SVEP1: variants seen among roughly 807,000 people sequenced by gnomAD.
The protein encoded by SVEP1 is sushi, von Willebrand factor type A, EGF and pentraxin domain-containing protein 1.
Under a neutral mutation model 367.3 loss-of-function variants are expected in SVEP1, and 164 were observed. That is an observed-to-expected ratio of 0.45 (90% CI 0.39 to 0.51). SVEP1 has a LOEUF of 0.51. SVEP1 is among the 20% of genes least tolerant of loss of function. The pLI is 0.00. For synonymous variants in SVEP1, 1,666 were observed against 1,611.6 expected, an observed-to-expected ratio of 1.03 and a Z score of -0.81; for missense variants, 4,117 against 4,425.3, an observed-to-expected ratio of 0.93 and a Z score of 1.98.
chr9:110,524,520 A>G (rs1248651904), intron 3 of SVEP1, among the ~76,000 whole-genome samples: 1 of 152,124 alleles, frequency 6.6e-6, no homozygotes, highest in East Asian at 1.9e-4. Context: ...AAATCAATCA[A>G]TGTAATCATG....
intron 36 of SVEP1, among the ~76,000 whole-genome samples, chr9:110,417,148 G>A (rs1438045727): frequency 6.6e-6 from 1 of 151,764 alleles, no homozygotes; most frequent in Admixed American, 6.6e-5. Context: ...CCGGTCTACA[G>A]CTCCCAGCGT....
chr9:110,471,580 C>T lies in SVEP1; in HGVS notation c.2782G>A (p.Asp928Asn), dbSNP rs61746193. Residue 928 changes from aspartate (D) to asparagine (N), a missense_variant, in exon 16 of 48, where the codon GAT becomes AAT. Asp to Asn is a conservative substitution (Grantham distance 23). This residue lies in a region of SVEP1 where 2,174 missense variants were observed against 2,494.3 expected (regional missense o/e 0.87). Coordinates refer to ENST00000374469, the MANE Select transcript of SVEP1 (RefSeq NM_153366.4). ...CATTCAAGGGTATCATTTCTTTCAT[C>T]GGGTAATGGCACACTAGCTGAGATA... ...FNITASVPLP[D>N]ERNDTLEWEN... 418 of 1,613,212 alleles carry T rather than the reference C, an allele frequency of 2.6e-4. No homozygotes were observed. In the African/African-American group the frequency reaches 3.8e-3, roughly 15 times the overall value.
At chr9:110,554,458 C>T (rs949516467) in intron 1 of SVEP1, among the ~76,000 whole-genome samples, 1 of 152,196 alleles carries the variant, frequency 6.6e-6, no homozygotes, top group Non-Finnish European at 1.5e-5. Flanking sequence ...ATACTATTAC[C>T]CACTAAAAGG....
chr9:110,503,669 T>A lies in SVEP1; in HGVS notation c.1304-452A>T, dbSNP rs541164290. On this transcript the variant is annotated intron_variant, in intron 5 of 47. Transcript: ENST00000374469. ...GACCTCATGGGCATATCCTAGGCCTTCTAATAGTGTTAGCCTCTGCAAAGC... is the reference window on the plus strand; with the variant it reads ...GACCTCATGGGCATATCCTAGGCCTACTAATAGTGTTAGCCTCTGCAAAGC... Among the ~76,000 whole-genome samples, 49 of 152,342 alleles carry A rather than the reference T, an allele frequency of 3.2e-4. No individual in the cohort carries two copies. In the South Asian group the frequency reaches 4.8e-3, roughly 15 times the overall value.
chr9:110,393,515 A>G (rs1394574166), intron 40 of SVEP1, among the ~76,000 whole-genome samples: 1 of 152,190 alleles, frequency 6.6e-6, no homozygotes, highest in Admixed American at 6.5e-5. Flanking sequence ...GGAGTGCCAG[A>G]CAGTGGGTGC....
At chr9:110,381,086 T>G (rs1827427167) in intron 43 of SVEP1, among the ~76,000 whole-genome samples, 1 of 152,158 alleles carries the variant, frequency 6.6e-6, no homozygotes, top group African/African-American at 2.4e-5. Flanking sequence ...TCATTTTTAT[T>G]GTCTATTTGA....
intron 30 of SVEP1, 104 bp from the exon 31 acceptor site, chr9:110,432,739 T>C (rs1444745095): frequency 1.5e-6 from 2 of 1,347,940 alleles, no homozygotes; most frequent in Non-Finnish European, 2.0e-6. Flanking sequence ...ACATTTTTAC[T>C]GAATGCAAAC....
At chr9:110,439,598 C>T (rs1438515477) in intron 27 of SVEP1, among the ~76,000 whole-genome samples, 3 of 151,820 alleles carry the variant, frequency 2.0e-5, no homozygotes, top group African/African-American at 7.3e-5. Flanking sequence ...CGGGGTTTCA[C>T]CATGTTGGCC....
At chr9:110,576,897 A>C (rs1830633886) in intron 1 of SVEP1, among the ~76,000 whole-genome samples, 1 of 152,138 alleles carries the variant, frequency 6.6e-6, no homozygotes, top group African/African-American at 2.4e-5. Flanking sequence ...TTTAAAAAAT[A>C]AAATTAGACA....
chr9:110,544,646 G>A lies in SVEP1; in HGVS notation c.964+1469C>T, dbSNP rs146659247. On this transcript the variant is annotated intron_variant, in intron 3 of 47. Transcript: ENST00000374469. ...CATTCATTATTATTTTTTAATTGAC[G>A]TGTAACAACTATTCACACGCATGGG... Among the ~76,000 whole-genome samples the A allele has an allele frequency of 5.0e-3, 760 of 152,096 alleles. 10 individuals are homozygous for A. Among genetic ancestry groups the A allele is most frequent in the African/African-American group, 0.017 (699 of 41,500 alleles).
chr9:110,432,065 G>A (rs570359815), intron 31 of SVEP1, 31 bp from the exon 32 acceptor site: 14 of 1,563,796 alleles, frequency 9.0e-6, no homozygotes, highest in South Asian at 1.2e-5. Flanking sequence ...AAATATTAAA[G>A]TTGATTCCTT....
chr9:110,511,270 T>C (rs1829706397), intron 5 of SVEP1, among the ~76,000 whole-genome samples: 1 of 152,214 alleles, frequency 6.6e-6, no homozygotes, highest in South Asian at 2.1e-4. Context: ...CTCAGGGATA[T>C]ATCTTTAGAT....
At chr9:110,414,511 GCTTGGAATAAT>G (rs1828089525) in intron 36 of SVEP1, among the ~76,000 whole-genome samples, 1 of 152,018 alleles carries the variant, frequency 6.6e-6, no homozygotes, top group Non-Finnish European at 1.5e-5. Flanking sequence ...TCTGAACTTA[GCTTGGAATAAT>G]AGCCTATCAA....
At chr9:110,534,904 G>C (rs1830061341) in intron 3 of SVEP1, among the ~76,000 whole-genome samples, 3 of 151,894 alleles carry the variant, frequency 2.0e-5, no homozygotes, top group Admixed American at 1.3e-4. Flanking sequence ...GTTCCTTATA[G>C]GTGCTGGATA....
intron 3 of SVEP1, among the ~76,000 whole-genome samples, chr9:110,524,667 A>G (rs1195145550): frequency 6.6e-6 from 1 of 151,980 alleles, no homozygotes; most frequent in African/African-American, 2.4e-5. Context: ...AATTTACTCA[A>G]CTCAATGAAG....
At chr9:110,528,422 A>C (rs1931315) in intron 3 of SVEP1, among the ~76,000 whole-genome samples, 134,542 of 151,568 alleles carry the variant, frequency 0.89, 59,998 homozygotes, top group Admixed American at 0.93. Context: ...TACATTTCCA[A>C]TAGCAGTATA....
intron 46 of SVEP1, among the ~76,000 whole-genome samples, chr9:110,370,397 C>A (rs1827258844): frequency 6.6e-6 from 1 of 152,218 alleles, no homozygotes; most frequent in Middle Eastern, 3.4e-3. Context: ...TTGTACATTT[C>A]TTTCCACTGA....
intron 42 of SVEP1, among the ~76,000 whole-genome samples, chr9:110,386,904 TAC>T (rs1827532687): frequency 6.6e-6 from 1 of 152,244 alleles, no homozygotes; most frequent in Non-Finnish European, 1.5e-5. Context: ...TATTTATATA[TAC>T]TTCATTATAT....
In SVEP1 at chr9:110,445,803, T is replaced by C. The variant is rs1385760772; in HGVS notation, c.4463+34A>G. The C allele has an allele frequency of 1.9e-6, 3 of 1,610,724 alleles. No homozygotes were observed. The African/African-American group carries it at 4.0e-5, about 22-fold the overall frequency. On this transcript the variant is annotated intron_variant, in intron 26 of 47. Coordinates refer to ENST00000374469, the MANE Select transcript of SVEP1 (RefSeq NM_153366.4). Reference sequence around the variant, plus strand: ...GTTCTAATTCGGTTCCAAGATAAGATCTTAAGCATAGCCTTCCCGACACTT... The same window carrying C: ...GTTCTAATTCGGTTCCAAGATAAGACCTTAAGCATAGCCTTCCCGACACTT...
Sources: allele counts gnomAD v4.1 joint callset (sites outside exome capture counted in the v4.1 genomes callset), GRCh38; gene constraint gnomAD v4.1.1; regional missense constraint gnomAD v4.1.1; transcripts MANE v1.5; gene names NCBI Gene and HGNC (gene_info 2026-07-23, HGNC 2026-07-21).